Variants in WDFY3 observed in about 807,000 individuals in gnomAD.
The protein encoded by WDFY3 is WD repeat and FYVE domain containing 3, also known as WD repeat and FYVE domain-containing protein 3.
A neutral mutation model predicts 409.6 loss-of-function variants in WDFY3; 66 were observed. The observed-to-expected ratio is 0.16, with a 90% CI of 0.13 to 0.20. The LOEUF is 0.20. WDFY3 is among the 10% of genes least tolerant of loss of function. The probability of loss-of-function intolerance (pLI) is 1.00; values close to 1 mark genes in which losing one functional copy is unlikely to be tolerated. For synonymous variants in WDFY3, 1,521 were observed against 1,537.1 expected (o/e 0.99, Z 0.25); for missense variants, 3,031 against 4,298.1 (o/e 0.71, Z 8.24).
At chr4:84,771,162 G>A (rs1048137709) in intron 30 of WDFY3, among the ~76,000 whole-genome samples, 98 of 152,220 alleles carry the variant, frequency 6.4e-4, no homozygotes, top group African/African-American at 2.3e-3. Flanking sequence ...TAGAGACAGA[G>A]TCTCACTCTT....
At chr4:84,964,080 C>T (rs1191977405) in intron 1 of WDFY3, among the ~76,000 whole-genome samples, 1 of 152,080 alleles carries the variant, frequency 6.6e-6, no homozygotes, top group Non-Finnish European at 1.5e-5. Flanking sequence ...ATGTGATCAC[C>T]CAACAGAGTC....
chr4:84,682,718 C>G (rs1168868181), intron 63 of WDFY3: 1 of 426,088 alleles, frequency 2.3e-6, no homozygotes, highest in East Asian at 4.6e-5. Flanking sequence ...AGGTGTAGTG[C>G]TGCCTATAAT....
At chr4:84,840,836 C>T (rs2150025928) in intron 6 of WDFY3, among the ~76,000 whole-genome samples, 1 of 151,952 alleles carries the variant, frequency 6.6e-6, no homozygotes, top group South Asian at 2.1e-4. Context: ...CCACCTTGAC[C>T]TCTCAAAGTG....
intron 1 of WDFY3, among the ~76,000 whole-genome samples, chr4:84,941,596 A>G (rs530664354): frequency 1.6e-4 from 25 of 152,206 alleles, no homozygotes; most frequent in Admixed American, 5.2e-4. Context: ...TCAAGGAATC[A>G]GTTCTTCCCA....
intron 19 of WDFY3, 60 bp from the exon 20 acceptor site, chr4:84,795,039 G>T: frequency 8.3e-7 from 1 of 1,206,540 alleles, no homozygotes; most frequent in Non-Finnish European, 1.1e-6. Context: ...TTAACACTGT[G>T]CACTTACCAC....
chr4:84,696,709 A>G (rs1578164853), intron 57 of WDFY3, 23 bp downstream of exon 57: 2 of 1,607,544 alleles, frequency 1.2e-6, no homozygotes, highest in East Asian at 2.2e-5. Flanking sequence ...TTCAACTTCA[A>G]TTGTAAAATG....
At chr4:84,962,288 A>C (rs1227447015) in intron 1 of WDFY3, among the ~76,000 whole-genome samples, 2 of 151,956 alleles carry the variant, frequency 1.3e-5, no homozygotes, top group Non-Finnish European at 2.9e-5. Flanking sequence ...TTTTTTCTGA[A>C]GAGTATGTTG....
chr4:84,683,281 C>T lies in WDFY3; in HGVS notation c.9726+662G>A, dbSNP rs1254752605. ...GTATTGGAGTGGACTGATGGCTTCA[C>T]TGTCTTTCAACATGTGACTCTGACT... On this transcript the variant is annotated intron_variant, in intron 63 of 67. Coordinates refer to ENST00000295888, the MANE Select transcript of WDFY3 (RefSeq NM_014991.6). Among the ~76,000 whole-genome samples the T allele has an allele frequency of 2.0e-5, 3 of 152,162 alleles. No individual in the cohort carries two copies. The East Asian group carries it at 5.8e-4, about 29-fold the overall frequency.
intron 43 of WDFY3, among the ~76,000 whole-genome samples, chr4:84,734,624 A>C: frequency 6.6e-6 from 1 of 152,210 alleles, no homozygotes. Flanking sequence ...GTATAGTAAA[A>C]AATAATTTCA....
At chr4:84,848,964 C>T (rs970117681) in intron 5 of WDFY3, among the ~76,000 whole-genome samples, 1 of 152,120 alleles carries the variant, frequency 6.6e-6, no homozygotes, top group African/African-American at 2.4e-5. Context: ...AAAGGTATCA[C>T]TTTACTTACT....
At chr4:84,851,648 T>C (rs1023941375) in intron 4 of WDFY3, among the ~76,000 whole-genome samples, 2 of 152,180 alleles carry the variant, frequency 1.3e-5, no homozygotes, top group African/African-American at 4.8e-5. Context: ...TGGTTACAAA[T>C]TTTGGCTCAA....
chr4:84,906,267 TCAGAGA>T (rs1767029463), intron 2 of WDFY3, among the ~76,000 whole-genome samples: 2 of 152,158 alleles, frequency 1.3e-5, no homozygotes, highest in African/African-American at 4.8e-5. Context: ...CAAATATAAC[TCAGAGA>T]CAGACGTGTT....
chr4:84,696,119 T>C lies in WDFY3; in HGVS notation c.8752A>G (p.Lys2918Glu), dbSNP rs1730096751. Residue 2918 changes from lysine to glutamate, a missense_variant, in exon 58 of 68, where the codon AAA becomes GAA. Coordinates refer to ENST00000295888, the MANE Select transcript of WDFY3 (RefSeq NM_014991.6). The stretch of plus-strand genomic sequence containing the variant: ...TCTACTGCAGCAGGGCCTTGCTGTT[T>C]ATAACCGAAGATTAAGTCAATCCAC... The part of the protein sequence containing the change: ...HEWIDLIFGY[K>E]QQGPAAVEAV... 6.2e-7 allele frequency: 1 copy of C among 1,614,038 alleles called. No homozygotes were observed. Among genetic ancestry groups the C allele is most frequent in the Non-Finnish European group, 8.5e-7 (1 of 1,180,040 alleles).
At chr4:84,879,140 C>G (rs1235845113) in intron 3 of WDFY3, among the ~76,000 whole-genome samples, 2 of 152,114 alleles carry the variant, frequency 1.3e-5, no homozygotes, top group Non-Finnish European at 2.9e-5. Flanking sequence ...AATTTTGAAG[C>G]TGTATCTTCT....
At chr4:84,685,122 G>C (rs919506399) in intron 62 of WDFY3, among the ~76,000 whole-genome samples, 1 of 152,096 alleles carries the variant, frequency 6.6e-6, no homozygotes, top group Non-Finnish European at 1.5e-5. Flanking sequence ...CACAATGCTG[G>C]GTATTACCTT....
intron 59 of WDFY3, 89 bp downstream of exon 59, chr4:84,692,796 C>T (rs565029388): frequency 6.2e-6 from 8 of 1,298,222 alleles, no homozygotes; most frequent in South Asian, 3.0e-5. Flanking sequence ...ATTATGCTAT[C>T]GTCAAAAAGC....
chr4:84,879,689 C>A (rs1403380819), intron 3 of WDFY3, among the ~76,000 whole-genome samples: 3 of 151,664 alleles, frequency 2.0e-5, no homozygotes, highest in Non-Finnish European at 4.4e-5. Context: ...AAAGTAAACA[C>A]AAGCTAGAAA....
intron 3 of WDFY3, among the ~76,000 whole-genome samples, chr4:84,873,103 T>C (rs1034527416): frequency 6.6e-6 from 1 of 152,186 alleles, no homozygotes; most frequent in African/African-American, 2.4e-5. Flanking sequence ...CACTCATACA[T>C]TAATTGATAA....
intron 56 of WDFY3, among the ~76,000 whole-genome samples, chr4:84,697,396 C>T (rs368971786): frequency 3.4e-4 from 52 of 152,196 alleles, no homozygotes; most frequent in East Asian, 1.2e-3. Context: ...TCTGAAATGA[C>T]GTAACTTTTT....
Sources: gnomAD v4.1 joint callset for allele counts (sites outside exome capture counted in the v4.1 genomes callset) on GRCh38, gnomAD v4.1.1 for gene constraint, MANE v1.5 for transcripts, NCBI Gene and HGNC (gene_info 2026-07-23, HGNC 2026-07-21) for gene names.